Variants in CERS6 observed in about 807,000 individuals in gnomAD.
The protein encoded by CERS6 is LAG1 homolog, ceramide synthase 6.
A neutral mutation model predicts 56.8 loss-of-function variants in CERS6; 26 were observed. That is an observed-to-expected ratio of 0.46 (90% confidence interval 0.34 to 0.63). The LOEUF (loss-of-function observed/expected upper bound fraction) is 0.63. CERS6 is among the 30% of genes least tolerant of loss of function. The pLI, the probability that CERS6 is intolerant of heterozygous loss-of-function variation, is 0.01. For missense variants in CERS6, 415 were observed against 467.5 expected (o/e 0.89, Z 1.04); for synonymous variants, 164 against 173.3 (o/e 0.95, Z 0.42).
intron 6 of CERS6, among the ~76,000 whole-genome samples, chr2:168,708,841 A>G (rs757992225): frequency 2.6e-5 from 4 of 152,160 alleles, no homozygotes; most frequent in Non-Finnish European, 4.4e-5. Context: ...AATTATTCCC[A>G]GAAGACACTG....
chr2:168,613,641 G>T (rs1265566077), intron 3 of CERS6, among the ~76,000 whole-genome samples: 1 of 152,202 alleles, frequency 6.6e-6, no homozygotes, highest in Non-Finnish European at 1.5e-5. Flanking sequence ...ATCACCCTGT[G>T]AGTATCATAG....
intron 3 of CERS6, among the ~76,000 whole-genome samples, chr2:168,609,768 C>T (rs1684139127): frequency 6.6e-6 from 1 of 152,226 alleles, no homozygotes. Flanking sequence ...GGCCTCTCTA[C>T]TCAACCACTC....
rs534485416 is a variant in CERS6 at position 168,636,119 on chromosome 2, C to A, written c.465+5077C>A. ...TAATGAAAATGACCCCCATGAAATA[C>A]TTCTATAAGAAGTGCACATGATATA... On this transcript the variant is annotated intron_variant, in intron 4 of 9. Coordinates refer to ENST00000305747, the MANE Select transcript of CERS6 (RefSeq NM_203463.3). 2.0e-5 allele frequency among the ~76,000 whole-genome samples: 3 copies of A among 152,182 alleles called. No individual in the cohort carries two copies. In the East Asian group the frequency reaches 5.8e-4, roughly 29 times the overall value.
rs999749765 is a variant in CERS6 at position 168,770,523 on chromosome 2, A to G, written c.*861A>G. On this transcript the variant is annotated 3_prime_UTR_variant, in exon 10 of 10. Transcript: ENST00000305747. ...ATTTGTCCTGTGTTCTGGGAATAAC[A>G]TAAAGAGAGCAACTGATTTCAGCCA... 1.0e-4 allele frequency: 16 copies of G among 152,796 alleles called. No individual in the cohort carries two copies. The highest frequency in any genetic ancestry group is 3.4e-4 in the African/African-American group (14 of 41,592). 9.5% of individuals were successfully genotyped at this position (152,796 alleles called of 1,614,324 possible). A position where few individuals can be genotyped will look rare whatever the true frequency, so the allele number is the denominator to read the frequency against.
chr2:168,486,324 T>G (rs188399337), intron 1 of CERS6, among the ~76,000 whole-genome samples: 2 of 152,254 alleles, frequency 1.3e-5, no homozygotes, highest in Admixed American at 1.3e-4. Context: ...GGTTTTAAAT[T>G]TTAATGAAGA....
rs528197006 is a variant in CERS6, at chr2:168,635,850, CA to C, written c.465+4811del. Among the ~76,000 whole-genome samples the C allele has an allele frequency of 1.1e-4, 16 of 152,254 alleles. No homozygotes were observed. In the South Asian group the frequency reaches 3.3e-3, roughly 32 times the overall value. ...ATGCGGTGTTCTCAAATTCAACACACAAAGCCACGAAGTGTTCCCTGGTTTC... is the reference window on the plus strand; with the variant it reads ...ATGCGGTGTTCTCAAATTCAACACACAAGCCACGAAGTGTTCCCTGGTTTC... On this transcript the variant is annotated intron_variant, in intron 4 of 9. Coordinates refer to ENST00000305747, the MANE Select transcript of CERS6 (RefSeq NM_203463.3).
At chr2:168,668,594 C>T (rs1426699377) in intron 4 of CERS6, among the ~76,000 whole-genome samples, 1 of 151,882 alleles carries the variant, frequency 6.6e-6, no homozygotes. Flanking sequence ...TTACAGGTAC[C>T]TGCCACCGTG....
chr2:168,643,046 C>T (rs187451296), intron 4 of CERS6, among the ~76,000 whole-genome samples: 221 of 152,260 alleles, frequency 1.5e-3, no homozygotes, highest in African/African-American at 5.1e-3. Context: ...TCCGAATGGG[C>T]GGAGGTAATA....
At chr2:168,527,809 C>T (rs1210618602) in intron 1 of CERS6, among the ~76,000 whole-genome samples, 1 of 152,176 alleles carries the variant, frequency 6.6e-6, no homozygotes, top group Non-Finnish European at 1.5e-5. Context: ...TACCCTCCAC[C>T]TCCCAGGCTC....
intron 1 of CERS6, among the ~76,000 whole-genome samples, chr2:168,513,973 A>G (rs950826364): frequency 6.6e-6 from 1 of 152,130 alleles, no homozygotes; most frequent in African/African-American, 2.4e-5. Flanking sequence ...TATGCCCAAA[A>G]TACAAAGTGA....
In CERS6 at chr2:168,598,442, T is replaced by C. The variant is rs958534154; in HGVS notation, c.408-32543T>C. 5.3e-5 allele frequency among the ~76,000 whole-genome samples: 8 copies of C among 152,262 alleles called. No homozygotes were observed. The South Asian group carries it at 1.7e-3, about 32-fold the overall frequency. ...CTACTGGCCAAATTATTTATTTCCT[T>C]GTTATGCATTCCTATATATTTTTGA... On this transcript the variant is annotated intron_variant, in intron 3 of 9. Transcript: ENST00000305747.
chr2:168,516,761 G>A (rs992928408), intron 1 of CERS6, among the ~76,000 whole-genome samples: 9 of 152,118 alleles, frequency 5.9e-5, no homozygotes, highest in Non-Finnish European at 8.8e-5. Flanking sequence ...AACCAAACCC[G>A]CCCATGTGTG....
At chr2:168,577,453 A>T (rs1683301017) in intron 3 of CERS6, among the ~76,000 whole-genome samples, 1 of 152,210 alleles carries the variant, frequency 6.6e-6, no homozygotes, top group Non-Finnish European at 1.5e-5. Flanking sequence ...AGAAAAAGAG[A>T]ATAGTCATTA....
chr2:168,765,942 A>G (rs544486484), intron 9 of CERS6, among the ~76,000 whole-genome samples, 194 bp downstream of exon 9: 14 of 152,208 alleles, frequency 9.2e-5, no homozygotes, highest in Non-Finnish European at 4.4e-5. Flanking sequence ...ATGGCACCCA[A>G]TGATATGCAT....
intron 1 of CERS6, among the ~76,000 whole-genome samples, chr2:168,520,756 C>T (rs750444411): frequency 2.6e-5 from 4 of 151,334 alleles, no homozygotes; most frequent in Admixed American, 6.6e-5. Flanking sequence ...ATTATAGGCA[C>T]GCACCAACAC....
chr2:168,694,022 T>C (rs1214211212), intron 5 of CERS6, among the ~76,000 whole-genome samples: 1 of 152,168 alleles, frequency 6.6e-6, no homozygotes. Context: ...ACACTTACAT[T>C]TCAATTATAT....
chr2:168,747,966 T>C (rs536024327), intron 8 of CERS6, among the ~76,000 whole-genome samples: 1 of 152,230 alleles, frequency 6.6e-6, no homozygotes, highest in Non-Finnish European at 1.5e-5. Flanking sequence ...ATTATTAATA[T>C]GGGAGAACAT....
At chr2:168,626,247 A>G (rs1303127506) in intron 3 of CERS6, among the ~76,000 whole-genome samples, 1 of 152,196 alleles carries the variant, frequency 6.6e-6, no homozygotes, top group African/African-American at 2.4e-5. Flanking sequence ...CTCAGGGGAT[A>G]GAGGAAGTAC....
At chr2:168,697,338 C>T (rs993945978) in intron 6 of CERS6, among the ~76,000 whole-genome samples, 2 of 152,126 alleles carry the variant, frequency 1.3e-5, no homozygotes, top group Non-Finnish European at 2.9e-5. Flanking sequence ...AAATCATTTA[C>T]GGACTCTTTA....
Sources: gnomAD v4.1 joint callset for allele counts (sites outside exome capture counted in the v4.1 genomes callset) on GRCh38, gnomAD v4.1.1 for gene constraint, MANE v1.5 for transcripts, NCBI Gene and HGNC (gene_info 2026-07-23, HGNC 2026-07-21) for gene names.